COL23A1: variants seen among roughly 807,000 people sequenced by gnomAD.
COL23A1 encodes the protein collagen type XXIII alpha 1 chain.
A neutral mutation model predicts 99.3 loss-of-function variants in COL23A1; 97 were observed. That is an observed-to-expected ratio of 0.98 (90% CI 0.83 to 1.16). The LOEUF is 1.16. Ranked by LOEUF, COL23A1 falls within the 50% of genes most tolerant of loss-of-function variation. The probability of loss-of-function intolerance (pLI) is 0.00; values close to 1 mark genes in which losing one functional copy is unlikely to be tolerated. For synonymous variants in COL23A1, 320 were observed against 308.2 expected, an observed-to-expected ratio of 1.04 and a Z score of -0.40; for missense variants, 762 against 757.4, an observed-to-expected ratio of 1.01 and a Z score of -0.07.
At chr5:178,273,336 T>C (rs1426173058) in intron 5 of COL23A1, among the ~76,000 whole-genome samples, 4 of 152,226 alleles carry the variant, frequency 2.6e-5, no homozygotes, top group East Asian at 1.9e-4. Flanking sequence ...CTGCCCTCTG[T>C]CAAGCTAGGA....
chr5:178,450,315 C>G (rs1360949023), intron 2 of COL23A1, among the ~76,000 whole-genome samples: 2 of 152,188 alleles, frequency 1.3e-5, no homozygotes, highest in African/African-American at 2.4e-5. Context: ...CTTCCTGGTC[C>G]CACATTCCCT....
chr5:178,444,577 C>T (rs1767056601), intron 2 of COL23A1, among the ~76,000 whole-genome samples: 3 of 152,086 alleles, frequency 2.0e-5, no homozygotes, highest in South Asian at 4.1e-4. Flanking sequence ...GGCAGATCAT[C>T]TGAGATCAGG....
intron 2 of COL23A1, among the ~76,000 whole-genome samples, chr5:178,537,688 C>T (rs779012583): frequency 6.6e-6 from 1 of 152,226 alleles, no homozygotes; most frequent in Non-Finnish European, 1.5e-5. Context: ...CCATGACAGG[C>T]GCCTTCTTTA....
chr5:178,439,463 TC>T lies in COL23A1; in HGVS notation c.361+121218del, dbSNP rs1371446850. On this transcript the variant is annotated intron_variant, in intron 2 of 28. Transcript: ENST00000390654. This position sits in a 1 kb window ranked among gnomAD's most constrained non-coding sequence, Gnocchi z 4.2. Reference sequence around the variant, plus strand: ...GGAGCTTTAGCCTAGGACCCAGACTTCTCCCTCCTGCCTCTTCCTTTCCCTC... The same window carrying T: ...GGAGCTTTAGCCTAGGACCCAGACTTTCCCTCCTGCCTCTTCCTTTCCCTC... 2 of 152,084 alleles carry T rather than the reference TC, an allele frequency of 1.3e-5. No individual in the cohort carries two copies. Among genetic ancestry groups the T allele is most frequent in the African/African-American group, 4.8e-5 (2 of 41,356 alleles). The allele number at this position is 152,084 out of a possible 1,614,324, so 9.4% of individuals were successfully genotyped here. A position where few individuals can be genotyped will look rare whatever the true frequency, so the allele number is the denominator to read the frequency against.
chr5:178,519,064 G>A (rs1312420963), intron 2 of COL23A1, among the ~76,000 whole-genome samples: 1 of 151,738 alleles, frequency 6.6e-6, no homozygotes, highest in Admixed American at 6.6e-5. Context: ...CACCACCCGC[G>A]GCCACCATGG....
At chr5:178,488,364 A>G (rs1395127724) in intron 2 of COL23A1, among the ~76,000 whole-genome samples, 1 of 152,174 alleles carries the variant, frequency 6.6e-6, no homozygotes, top group Non-Finnish European at 1.5e-5. Flanking sequence ...AGGCTCTCAC[A>G]GATCAGAGCA....
chr5:178,358,753 C>A (rs886317227), intron 2 of COL23A1, among the ~76,000 whole-genome samples: 14,930 of 135,088 alleles, frequency 0.11, 896 homozygotes, highest in Middle Eastern at 0.27. Flanking sequence ...GTGTGTGTAT[C>A]TGTGTGTGTG....
intron 5 of COL23A1, among the ~76,000 whole-genome samples, chr5:178,285,872 C>A (rs1422606877): frequency 6.6e-6 from 1 of 152,254 alleles, no homozygotes; most frequent in Non-Finnish European, 1.5e-5. Flanking sequence ...GGAATTTCCA[C>A]TCAGGACTGG....
chr5:178,410,948 A>G (rs1765026582), intron 2 of COL23A1, among the ~76,000 whole-genome samples: 1 of 152,234 alleles, frequency 6.6e-6, no homozygotes, highest in Admixed American at 6.5e-5. Context: ...CTCAACAATA[A>G]AAATACAAAC....
intron 2 of COL23A1, chr5:178,351,955 G>A (rs1290094282): frequency 2.0e-5 from 3 of 152,216 alleles, no homozygotes; most frequent in Admixed American, 2.0e-4. Flanking sequence ...CAGGAAGAGA[G>A]GCCTCGCCGG....
chr5:178,461,398 G>T (rs571646088), intron 2 of COL23A1, among the ~76,000 whole-genome samples: 1 of 152,228 alleles, frequency 6.6e-6, no homozygotes, highest in African/African-American at 2.4e-5. Flanking sequence ...GCCATCCCCA[G>T]TGCCTCTAGC....
At chr5:178,385,536 G>A (rs1393272368) in intron 2 of COL23A1, among the ~76,000 whole-genome samples, 1 of 152,230 alleles carries the variant, frequency 6.6e-6, no homozygotes, top group African/African-American at 2.4e-5. Flanking sequence ...CCAGGAGGGT[G>A]CTGGGCACCG....
intron 2 of COL23A1, among the ~76,000 whole-genome samples, chr5:178,364,406 A>G (rs80137025): frequency 7.5e-4 from 111 of 148,658 alleles, no homozygotes; most frequent in East Asian, 2.9e-3. Flanking sequence ...GCTGAGGGTG[A>G]AGCAGGCCCA....
intron 2 of COL23A1, among the ~76,000 whole-genome samples, chr5:178,382,652 A>G (rs1183528325): frequency 6.6e-6 from 1 of 152,066 alleles, no homozygotes; most frequent in Non-Finnish European, 1.5e-5. Context: ...TTATGTTCTT[A>G]AGCCCCTCCA....
At chr5:178,393,518 C>T (rs1764075761) in intron 2 of COL23A1, among the ~76,000 whole-genome samples, 1 of 152,166 alleles carries the variant, frequency 6.6e-6, no homozygotes, top group Non-Finnish European at 1.5e-5. Flanking sequence ...TAAGATGGTA[C>T]ATTTTATGTT....
chr5:178,336,779 T>C (rs1480315904), intron 2 of COL23A1, among the ~76,000 whole-genome samples: 2 of 152,252 alleles, frequency 1.3e-5, no homozygotes, highest in Non-Finnish European at 2.9e-5. Flanking sequence ...TCGTCTTCCT[T>C]TTGGCAGAGC....
intron 2 of COL23A1, among the ~76,000 whole-genome samples, chr5:178,357,250 C>T (rs1761707537): frequency 6.6e-6 from 1 of 152,210 alleles, no homozygotes; most frequent in Non-Finnish European, 1.5e-5. Context: ...GGTAGTGCAT[C>T]CCCTCAGATG....
chr5:178,338,795 C>T (rs1001185315), intron 2 of COL23A1, among the ~76,000 whole-genome samples: 4 of 152,170 alleles, frequency 2.6e-5, no homozygotes, highest in East Asian at 1.9e-4. Context: ...GAAGAGAGGG[C>T]GACCAAGTGC....
At chr5:178,413,354 A>C (rs1229035373) in intron 2 of COL23A1, among the ~76,000 whole-genome samples, 1 of 152,230 alleles carries the variant, frequency 6.6e-6, no homozygotes, top group Non-Finnish European at 1.5e-5. Context: ...TTACCCTTTA[A>C]ATTAAAATAA....
Sources: allele counts gnomAD v4.1 joint callset (sites outside exome capture counted in the v4.1 genomes callset), GRCh38; gene constraint gnomAD v4.1.1; non-coding constraint Gnocchi (gnomAD v3.1); transcripts MANE v1.5; gene names NCBI Gene and HGNC (gene_info 2026-07-23, HGNC 2026-07-21).